The following MOCOS variants were observed in gnomAD, a reference collection of about 807,000 sequenced individuals.
The protein encoded by MOCOS is human molybdenum cofactor sulfurase.
Under a neutral mutation model 83.6 loss-of-function variants are expected in MOCOS, and 86 were observed. The ratio of observed to expected loss-of-function variants is 1.03; its 90% CI spans 0.86 to 1.23. The LOEUF is 1.23. MOCOS is among the 50% of genes most tolerant of loss of function. MOCOS has a pLI of 0.00. For synonymous variants in MOCOS, 445 were observed against 434.7 expected, an observed-to-expected ratio of 1.02 and a Z score of -0.29; for missense variants, 1,120 against 1,126.9, an observed-to-expected ratio of 0.99 and a Z score of 0.09.
In MOCOS at chr18:36,246,865, T is replaced by G. The variant is rs1409065954; in HGVS notation, c.1961-2057T>G. Among the ~76,000 whole-genome samples, 5 of 152,328 alleles carry G rather than the reference T, an allele frequency of 3.3e-5. No homozygotes were observed. In the East Asian group the frequency reaches 5.8e-4, roughly 18 times the overall value. On this transcript the variant is annotated intron_variant, in intron 9 of 14. Coordinates refer to ENST00000261326, the MANE Select transcript of MOCOS (RefSeq NM_017947.4). ...AAGGGGGATATAATTTTGCCCTGCC[T>G]TGGCTAGGATAGGTACTTGGCTTCC...
chr18:36,238,508 A>G (rs1277514029), intron 9 of MOCOS, among the ~76,000 whole-genome samples: 5 of 148,630 alleles, frequency 3.4e-5, no homozygotes, highest in Non-Finnish European at 7.5e-5. Flanking sequence ...ATAGTTTGTT[A>G]TAATTTCTGT....
chr18:36,190,480 T>C (rs1251716112), intron 1 of MOCOS, among the ~76,000 whole-genome samples: 1 of 152,140 alleles, frequency 6.6e-6, no homozygotes, highest in Non-Finnish European at 1.5e-5. Flanking sequence ...CTGGGTATGG[T>C]GGCTCAAGCC....
intron 13 of MOCOS, among the ~76,000 whole-genome samples, chr18:36,263,015 G>A (rs1182232116): frequency 2.0e-5 from 3 of 152,152 alleles, no homozygotes; most frequent in Non-Finnish European, 4.4e-5. Context: ...AGGCTGAGGT[G>A]GGAGGATTGC....
Position 36,200,329 on chromosome 18 carries a change from C to A in MOCOS, c.941+5C>A. On this transcript the variant is annotated splice_donor_5th_base_variant and intron_variant, in intron 4 of 14. Coordinates refer to ENST00000261326, the MANE Select transcript of MOCOS (RefSeq NM_017947.4). ...GAGGCAGTCGGTAGCTCAGAGGTAA[C>A]CTTGCCACAGGGGAGGGGTCAGAGG... The A allele has an allele frequency of 5.6e-6, 9 of 1,613,902 alleles. No individual in the cohort carries two copies. Among genetic ancestry groups the A allele is most frequent in the Non-Finnish European group, 7.6e-6 (9 of 1,180,018 alleles).
chr18:36,257,186 C>T (rs1341162042), intron 12 of MOCOS, 113 bp downstream of exon 12: 4 of 930,974 alleles, frequency 4.3e-6, no homozygotes, highest in Non-Finnish European at 7.0e-6. Context: ...TTCAGCCCTG[C>T]TTCATGTACA....
chr18:36,233,696 C>T (rs945142379), intron 9 of MOCOS, among the ~76,000 whole-genome samples: 1 of 152,020 alleles, frequency 6.6e-6, no homozygotes, highest in South Asian at 2.1e-4. Flanking sequence ...ATGCCAGCAT[C>T]GATTATTTTT....
At chr18:36,264,498 C>T (rs1032079575) in intron 13 of MOCOS, among the ~76,000 whole-genome samples, 9 of 152,142 alleles carry the variant, frequency 5.9e-5, no homozygotes, top group South Asian at 2.1e-4. Context: ...CAGGGATCCT[C>T]GTGTATAATA....
In MOCOS at chr18:36,268,904, T is replaced by A; in HGVS notation, c.*219T>A. The A allele has an allele frequency of 1.7e-6, 1 of 575,112 alleles. No homozygotes were observed. The highest frequency in any genetic ancestry group is 2.9e-5 in the East Asian group (1 of 34,118). The allele number at this position is 575,112 out of a possible 1,614,324, so 35.6% of individuals were successfully genotyped here. ...GCACTTCTGAGGCCTCAGGAACGAA[T>A]GCTGCACCCACATCCAGTGAGGCTC... On this transcript the variant is annotated 3_prime_UTR_variant, in exon 15 of 15. Coordinates refer to ENST00000261326, the MANE Select transcript of MOCOS (RefSeq NM_017947.4).
intron 8 of MOCOS, among the ~76,000 whole-genome samples, 170 bp from the exon 9 acceptor site, chr18:36,219,885 C>T (rs2091489664): frequency 6.6e-6 from 1 of 152,166 alleles, no homozygotes; most frequent in South Asian, 2.1e-4. Flanking sequence ...CCTACATCAT[C>T]TTCTTTGCAC....
chr18:36,248,727 C>G (rs761006315), intron 9 of MOCOS, among the ~76,000 whole-genome samples, 195 bp from the exon 10 acceptor site: 3 of 152,124 alleles, frequency 2.0e-5, no homozygotes, highest in Non-Finnish European at 4.4e-5. Context: ...GTTCTTGACA[C>G]CTTTGTCAGA....
At chr18:36,218,663 C>T (rs529000241) in intron 8 of MOCOS, among the ~76,000 whole-genome samples, 12 of 151,900 alleles carry the variant, frequency 7.9e-5, no homozygotes, top group African/African-American at 2.7e-4. Context: ...TACAGGCATA[C>T]ACCACCATGC....
chr18:36,251,097 TCAGA>T, intron 10 of MOCOS, 58 bp from the exon 11 acceptor site: 1 of 1,559,916 alleles, frequency 6.4e-7, no homozygotes, highest in South Asian at 1.1e-5. Flanking sequence ...TTTTTGCAAT[TCAGA>T]TTATTATTTA....
At chr18:36,213,621 A>T in intron 7 of MOCOS, 139 bp downstream of exon 7, 1 of 779,568 alleles carries the variant, frequency 1.3e-6, no homozygotes, top group Non-Finnish European at 2.2e-6. Flanking sequence ...AAGGAAAAGG[A>T]ATACAAATGG....
At chr18:36,254,458 C>CTGTGTGTGTGTG (rs60813321) in intron 11 of MOCOS, among the ~76,000 whole-genome samples, 66 of 138,952 alleles carry the variant, frequency 4.7e-4, no homozygotes, top group African/African-American at 7.9e-4. Context: ...TACATTATCT[C>CTGTGTGTGTGTG]TGTGTGTGTG....
intron 1 of MOCOS, chr18:36,189,745 G>C (rs1568046179): frequency 6.6e-6 from 1 of 152,212 alleles, no homozygotes; most frequent in African/African-American, 2.4e-5. Flanking sequence ...GGATGACCTA[G>C]AGCTGACCCT....
chr18:36,206,786 G>A (rs528443009), intron 6 of MOCOS, among the ~76,000 whole-genome samples: 2 of 152,254 alleles, frequency 1.3e-5, no homozygotes, highest in Admixed American at 6.5e-5. Flanking sequence ...ATGGCCTCCA[G>A]CTGCATCATG....
intron 13 of MOCOS, 23 bp downstream of exon 13, chr18:36,260,198 A>G: frequency 6.2e-7 from 1 of 1,613,942 alleles, no homozygotes; most frequent in South Asian, 1.1e-5. Flanking sequence ...AAGTTCTATT[A>G]TCCTTCCTCC....
intron 13 of MOCOS, among the ~76,000 whole-genome samples, chr18:36,264,477 T>C (rs547877462): frequency 6.6e-6 from 1 of 152,284 alleles, no homozygotes; most frequent in East Asian, 1.9e-4. Flanking sequence ...TACAAAAGCC[T>C]CGTTCCACTG....
chr18:36,212,708 G>A (rs73946791), intron 6 of MOCOS, among the ~76,000 whole-genome samples: 9,896 of 152,262 alleles, frequency 0.065, 389 homozygotes, highest in East Asian at 0.11. Flanking sequence ...TGACCACACG[G>A]TGACCTCTGG....
Sources: gnomAD v4.1 joint callset for allele counts (sites outside exome capture counted in the v4.1 genomes callset) on GRCh38, gnomAD v4.1.1 for gene constraint, MANE v1.5 for transcripts, NCBI Gene and HGNC (gene_info 2026-07-23, HGNC 2026-07-21) for gene names.